PSD3: variants seen among roughly 807,000 people sequenced by gnomAD.
PSD3 encodes pleckstrin and Sec7 domain containing 3, also known as PH and SEC7 domain-containing protein 3.
In PSD3, 49 loss-of-function variants were observed where a neutral mutation model predicts 105.5. The observed-to-expected ratio is 0.46, with a 90% confidence interval of 0.37 to 0.59. The LOEUF is 0.59. PSD3 is among the 20% of genes least tolerant of loss of function. The pLI is 0.00. For missense variants in PSD3, 1,561 were observed against 1,263.8 expected (o/e 1.24, Z -3.57); for synonymous variants, 557 against 457.8 (o/e 1.22, Z -2.77).
chr8:18,963,566 G>C (rs1041680151), intron 1 of PSD3, among the ~76,000 whole-genome samples: 1 of 152,136 alleles, frequency 6.6e-6, no homozygotes, highest in African/African-American at 2.4e-5. Flanking sequence ...GGTAAGCAGA[G>C]ACCACCACAG....
At chr8:18,542,407 C>T (rs1348790355) in intron 15 of PSD3, among the ~76,000 whole-genome samples, 1 of 152,142 alleles carries the variant, frequency 6.6e-6, no homozygotes, top group African/African-American at 2.4e-5. Flanking sequence ...AGGATATTAG[C>T]CTCATCAACA....
chr8:18,603,559 A>G (rs1804592347), intron 11 of PSD3, among the ~76,000 whole-genome samples: 1 of 152,182 alleles, frequency 6.6e-6, no homozygotes, highest in Admixed American at 6.5e-5. Context: ...TTATGAAGAC[A>G]TTATTTCACT....
intron 8 of PSD3, among the ~76,000 whole-genome samples, chr8:18,769,709 C>T (rs998869010): frequency 6.6e-6 from 1 of 152,166 alleles, no homozygotes; most frequent in Non-Finnish European, 1.5e-5. Context: ...CTATTCAGGA[C>T]ATGTGAAATA....
intron 10 of PSD3, among the ~76,000 whole-genome samples, chr8:18,637,443 C>T (rs1294767642): frequency 1.3e-5 from 2 of 152,186 alleles, no homozygotes; most frequent in Non-Finnish European, 1.5e-5. Context: ...CTTATCACCC[C>T]CCAAATTCCC....
intron 1 of PSD3, among the ~76,000 whole-genome samples, chr8:19,052,718 G>A (rs10098005): frequency 0.095 from 14,478 of 152,074 alleles, 775 homozygotes; most frequent in Middle Eastern, 0.17. Context: ...TACACAAAGG[G>A]GGAAGGAGTC....
At chr8:18,624,042 C>T (rs1046517985) in intron 11 of PSD3, among the ~76,000 whole-genome samples, 1 of 152,084 alleles carries the variant, frequency 6.6e-6, no homozygotes, top group African/African-American at 2.4e-5. Flanking sequence ...TATTAATGGA[C>T]ATTTAAGTTT....
At chr8:18,889,481 G>T (rs1008556073) in intron 2 of PSD3, among the ~76,000 whole-genome samples, 6 of 152,086 alleles carry the variant, frequency 3.9e-5, no homozygotes, top group African/African-American at 1.4e-4. Flanking sequence ...CTGGACAACT[G>T]GGGGCCATCC....
intron 4 of PSD3, among the ~76,000 whole-genome samples, chr8:18,847,549 G>A (rs1402458833): frequency 6.6e-6 from 1 of 152,138 alleles, no homozygotes; most frequent in Non-Finnish European, 1.5e-5. Flanking sequence ...ATCCTAACTG[G>A]TCACAAATAA....
At position 18,599,185 on chromosome 8, in the gene PSD3, A is replaced by T. The variant is rs577626512; in HGVS notation, c.2481+1179T>A. On this transcript the variant is annotated intron_variant, in intron 12 of 15. Coordinates refer to ENST00000327040, the MANE Select transcript of PSD3 (RefSeq NM_015310.4). ...ATTACCAAGCTACAACATCAAATCAATATGGTTCTGGCATAAAGACAGACA... is the reference window on the plus strand; with the variant it reads ...ATTACCAAGCTACAACATCAAATCATTATGGTTCTGGCATAAAGACAGACA... Among the ~76,000 whole-genome samples, 19 of 152,330 alleles carry T rather than the reference A, an allele frequency of 1.2e-4. No homozygotes were observed. In the South Asian group the frequency reaches 3.7e-3, roughly 30 times the overall value.
intron 1 of PSD3, among the ~76,000 whole-genome samples, chr8:19,009,368 T>C (rs181460700): frequency 1.9e-3 from 290 of 152,272 alleles, no homozygotes; most frequent in African/African-American, 6.7e-3. Context: ...TTAAGAAAAT[T>C]GGATGACCTG....
intron 9 of PSD3, among the ~76,000 whole-genome samples, chr8:18,706,314 T>C (rs1397978552): frequency 2.0e-5 from 3 of 152,196 alleles, no homozygotes; most frequent in Non-Finnish European, 4.4e-5. Flanking sequence ...GTGCTGTAAA[T>C]TGTCATTATG....
At position 18,607,262 on chromosome 8, in the gene PSD3, T is replaced by G. The variant is rs555930495; in HGVS notation, c.2411-6828A>C. Among the ~76,000 whole-genome samples, 8 of 152,300 alleles carry G rather than the reference T, an allele frequency of 5.3e-5. No individual in the cohort carries two copies. In the South Asian group the frequency reaches 1.0e-3, roughly 20 times the overall value. ...TCTCTGTGCCTGCCCCCTCAGGTGC[T>G]CCCAGCTCCACATTTCTGCAGAATA... On this transcript the variant is annotated intron_variant, in intron 11 of 15. Transcript: ENST00000327040.
At chr8:18,977,676 AGTCATT>A (rs1409325211) in intron 1 of PSD3, among the ~76,000 whole-genome samples, 9 of 152,214 alleles carry the variant, frequency 5.9e-5, no homozygotes, top group African/African-American at 2.2e-4. Flanking sequence ...TACAGCCCAA[AGTCATT>A]TTTATTAAAA....
chr8:18,769,770 CAT>C (rs1176488759), intron 8 of PSD3, among the ~76,000 whole-genome samples: 1 of 152,200 alleles, frequency 6.6e-6, no homozygotes, highest in Non-Finnish European at 1.5e-5. Flanking sequence ...TTTTACTTAA[CAT>C]GTTTTCCAAG....
Position 18,908,085 on chromosome 8 carries a change from G to A in PSD3, c.130+27949C>T, listed in dbSNP as rs138074998. The stretch of plus-strand genomic sequence containing the variant: ...AATTGATAACAGGTAAATTAATATA[G>A]AATTTCAAAAATAGCCAAATGCCAA... On this transcript the variant is annotated intron_variant, in intron 2 of 15. Coordinates refer to ENST00000327040, the MANE Select transcript of PSD3 (RefSeq NM_015310.4). 7.0e-3 allele frequency among the ~76,000 whole-genome samples: 1,059 copies of A among 152,160 alleles called. 4 individuals carry two copies. Among genetic ancestry groups the A allele is most frequent in the Middle Eastern group, 0.02 (6 of 294 alleles).
chr8:18,989,436 T>C (rs1232796980), intron 1 of PSD3: 1 of 152,208 alleles, frequency 6.6e-6, no homozygotes, highest in East Asian at 1.9e-4. Flanking sequence ...GTATTTGGTT[T>C]TATTTTTAAC....
chr8:18,587,203 C>A (rs1005941613), intron 12 of PSD3, among the ~76,000 whole-genome samples: 1 of 152,088 alleles, frequency 6.6e-6, no homozygotes, highest in African/African-American at 2.4e-5. Context: ...GGTCACATGC[C>A]CCACACAGGT....
At chr8:18,865,848 T>TA (rs1816894279) in intron 4 of PSD3, among the ~76,000 whole-genome samples, 1 of 152,228 alleles carries the variant, frequency 6.6e-6, no homozygotes, top group Admixed American at 6.5e-5. Flanking sequence ...TATGAGATGC[T>TA]AAAATACTAT....
At chr8:18,567,432 G>A (rs1801858270) in intron 14 of PSD3, among the ~76,000 whole-genome samples, 1 of 152,062 alleles carries the variant, frequency 6.6e-6, no homozygotes, top group East Asian at 1.9e-4. Flanking sequence ...TATTTTAGTT[G>A]GATAGATGGA....
Sources: gnomAD v4.1 joint callset for allele counts (sites outside exome capture counted in the v4.1 genomes callset) on GRCh38, gnomAD v4.1.1 for gene constraint, MANE v1.5 for transcripts, NCBI Gene and HGNC (gene_info 2026-07-23, HGNC 2026-07-21) for gene names.